EFCAB6: variants seen among roughly 807,000 people sequenced by gnomAD.
EFCAB6 encodes the protein EF-hand calcium binding domain 6, also known as EF-hand calcium-binding domain-containing protein 6.
Under a neutral mutation model 169.8 loss-of-function variants are expected in EFCAB6, and 156 were observed. The observed-to-expected ratio is 0.92, with a 90% CI of 0.81 to 1.05. The LOEUF (loss-of-function observed/expected upper bound fraction) is 1.05, where lower values mean the gene tolerates loss of function less well. EFCAB6 is among the 50% of genes least tolerant of loss of function. EFCAB6 has a pLI of 0.00. For missense variants in EFCAB6, 1,800 were observed against 1,829.1 expected (o/e 0.98, Z 0.29); for synonymous variants, 698 against 676.4 (o/e 1.03, Z -0.50).
At chr22:43,563,240 C>A (rs1229896316) in intron 26 of EFCAB6, among the ~76,000 whole-genome samples, 1 of 152,206 alleles carries the variant, frequency 6.6e-6, no homozygotes, top group African/African-American at 2.4e-5. Context: ...CTGCCCCTAT[C>A]TTGTTACCTT....
At chr22:43,781,812 G>A (rs1228822119) in intron 3 of EFCAB6, among the ~76,000 whole-genome samples, 2 of 152,008 alleles carry the variant, frequency 1.3e-5, no homozygotes, top group South Asian at 4.2e-4. Flanking sequence ...TGGGAGTGAG[G>A]GGGTGTATGG....
At chr22:43,534,635 T>G in intron 30 of EFCAB6, 53 bp downstream of exon 30, 1 of 1,515,940 alleles carries the variant, frequency 6.6e-7, no homozygotes, top group Non-Finnish European at 8.9e-7. Flanking sequence ...AAAATAAAAA[T>G]GAAAGCGCCC....
intron 8 of EFCAB6, among the ~76,000 whole-genome samples, chr22:43,731,269 T>TA (rs2147615932): frequency 6.6e-6 from 1 of 152,314 alleles, no homozygotes; most frequent in South Asian, 2.1e-4. Context: ...AACTGCAAAT[T>TA]ACTCAGCTAT....
intron 17 of EFCAB6, among the ~76,000 whole-genome samples, chr22:43,648,739 C>T (rs899585732): frequency 2.6e-5 from 4 of 152,192 alleles, no homozygotes; most frequent in Non-Finnish European, 4.4e-5. Context: ...ATAATAATAA[C>T]GAAGAAGAAG....
At chr22:43,529,013 G>T (rs1265789439) in intron 31 of EFCAB6, 38 bp from the exon 32 acceptor site, 1 of 1,529,570 alleles carries the variant, frequency 6.5e-7, no homozygotes, top group Admixed American at 1.7e-5. Flanking sequence ...AGGCTTGTTT[G>T]GTGCCCTAGG....
chr22:43,633,324 C>A (rs1485745224), intron 18 of EFCAB6, among the ~76,000 whole-genome samples: 1 of 152,154 alleles, frequency 6.6e-6, no homozygotes, highest in Admixed American at 6.5e-5. Context: ...CCAAGGTGGG[C>A]GGATCACAAG....
At chr22:43,612,910 A>C (rs1324360057) in intron 21 of EFCAB6, among the ~76,000 whole-genome samples, 2 of 105,200 alleles carry the variant, frequency 1.9e-5, no homozygotes, top group East Asian at 5.8e-4. Context: ...AAAAAAAAAA[A>C]AAGTAAAAAA....
intron 2 of EFCAB6, among the ~76,000 whole-genome samples, chr22:43,799,255 A>G (rs1196511788): frequency 6.6e-6 from 1 of 151,836 alleles, no homozygotes; most frequent in East Asian, 1.9e-4. Context: ...ACTTGAGCCC[A>G]GGAGTTCAAG....
At chr22:43,669,169 A>G in intron 15 of EFCAB6, 124 bp from the exon 16 acceptor site, 2 of 802,456 alleles carry the variant, frequency 2.5e-6, no homozygotes, top group Non-Finnish European at 3.6e-6. Context: ...GTGGGAATGT[A>G]AAATGGTACA....
intron 6 of EFCAB6, among the ~76,000 whole-genome samples, chr22:43,736,408 G>A (rs898826952): frequency 6.6e-6 from 1 of 152,302 alleles, no homozygotes; most frequent in Admixed American, 6.5e-5. Context: ...AAATATGACT[G>A]TATATTTCAA....
intron 8 of EFCAB6, among the ~76,000 whole-genome samples, chr22:43,720,466 C>T (rs1249504964): frequency 1.3e-5 from 2 of 152,068 alleles, no homozygotes; most frequent in African/African-American, 4.8e-5. Context: ...GAGCTATGAT[C>T]ATGCCATTGC....
At chr22:43,622,026 T>C (rs1009656078) in intron 20 of EFCAB6, among the ~76,000 whole-genome samples, 1 of 152,224 alleles carries the variant, frequency 6.6e-6, no homozygotes, top group African/African-American at 2.4e-5. Context: ...TTAAATTAAC[T>C]GGATTTATAG....
chr22:43,541,862 G>T (rs1399136659), intron 27 of EFCAB6, among the ~76,000 whole-genome samples: 1 of 152,226 alleles, frequency 6.6e-6, no homozygotes. Flanking sequence ...AACTTTAAGT[G>T]TCAAACATCT....
chr22:43,808,703 C>A (rs1603397162), intron 2 of EFCAB6, among the ~76,000 whole-genome samples: 1 of 152,104 alleles, frequency 6.6e-6, no homozygotes, highest in Non-Finnish European at 1.5e-5. Flanking sequence ...ATAGGTGTCA[C>A]CTCAGAATAT....
chr22:43,602,025 G>A (rs757357464), intron 22 of EFCAB6, among the ~76,000 whole-genome samples: 2 of 152,250 alleles, frequency 1.3e-5, no homozygotes, highest in Non-Finnish European at 2.9e-5. Flanking sequence ...TACTTTGCAG[G>A]CAGGGTGCAG....
chr22:43,618,185 A>AGAAAGAAAGAAAGAAG (rs2053854044), intron 20 of EFCAB6, among the ~76,000 whole-genome samples: 2 of 107,754 alleles, frequency 1.9e-5, no homozygotes, highest in Admixed American at 1.9e-4. Flanking sequence ...AAAGAAAGAA[A>AGAAAGAAAGAAAGAAG]GAAAGAAAGA....
chr22:43,659,028 A>G (rs980407920), intron 17 of EFCAB6, among the ~76,000 whole-genome samples: 4 of 152,228 alleles, frequency 2.6e-5, no homozygotes, highest in Admixed American at 2.0e-4. Flanking sequence ...AGCAAGCCTC[A>G]GGAACTCCCG....
chr22:43,700,282 A>G (rs922451848), intron 10 of EFCAB6, among the ~76,000 whole-genome samples: 1 of 151,950 alleles, frequency 6.6e-6, no homozygotes, highest in Non-Finnish European at 1.5e-5. Flanking sequence ...TAGATATTGT[A>G]TATTTTAGAA....
chr22:43,620,175 T>C (rs1338523494), intron 20 of EFCAB6, among the ~76,000 whole-genome samples: 1 of 151,912 alleles, frequency 6.6e-6, no homozygotes, highest in African/African-American at 2.4e-5. Context: ...AATTTAGGCA[T>C]GATGGTGCTC....
Sources: allele counts gnomAD v4.1 joint callset (sites outside exome capture counted in the v4.1 genomes callset), GRCh38; gene constraint gnomAD v4.1.1; transcripts MANE v1.5; gene names NCBI Gene and HGNC (gene_info 2026-07-23, HGNC 2026-07-21).